The following STAG2 variants were observed in gnomAD, a reference collection of about 807,000 sequenced individuals.
The protein encoded by STAG2 is STAG2 cohesin complex component.
In STAG2, 14 loss-of-function variants were observed where a neutral mutation model predicts 108.1. That is an observed-to-expected ratio of 0.13 (90% CI 0.09 to 0.20). The LOEUF (loss-of-function observed/expected upper bound fraction) is 0.20, where lower values mean the gene tolerates loss of function less well. STAG2 is among the 10% of genes least tolerant of loss of function. The probability of loss-of-function intolerance (pLI) is 1.00; values close to 1 mark genes in which losing one functional copy is unlikely to be tolerated. For synonymous variants in STAG2, 307 were observed against 302.7 expected (o/e 1.01, Z -0.15); for missense variants, 440 against 940.9 (o/e 0.47, Z 6.96).
chrX:124,009,443 GTAGA>G lies in STAG2; in HGVS notation c.-162-11893_-162-11890del, dbSNP rs1160208021. 1.2e-3 allele frequency among the ~76,000 whole-genome samples: 74 copies of G among 63,591 alleles called. No homozygotes were observed. In the South Asian group the frequency reaches 0.021, roughly 18 times the overall value. 55.2% of individuals were successfully genotyped at this position (63,591 alleles called of 115,157 possible). On this transcript the variant is annotated intron_variant, in intron 1 of 34. Transcript: ENST00000371145. ...GGTAGGTAGGTAGGTAGGTAGGTAGGTAGATAGATAGATAGATAGATAGATAGAT... is the reference window on the plus strand; with the variant it reads ...GGTAGGTAGGTAGGTAGGTAGGTAGGTAGATAGATAGATAGATAGATAGAT...
chrX:124,094,743 G>A (rs1227855683), intron 33 of STAG2, among the ~76,000 whole-genome samples: 1 of 111,749 alleles, frequency 8.9e-6, no homozygotes, highest in Non-Finnish European at 1.9e-5. Context: ...CTCCAAAGAG[G>A]CAAAACTAGC....
chrX:124,091,101 G>T, intron 32 of STAG2, 137 bp downstream of exon 32: 1 of 498,172 alleles, frequency 2.0e-6, no homozygotes. Context: ...ACTAAAAATT[G>T]GTCTTTCCAA....
At chrX:124,026,192 G>A (rs1001564715) in intron 4 of STAG2, among the ~76,000 whole-genome samples, 7 of 107,463 alleles carry the variant, frequency 6.5e-5, no homozygotes, top group East Asian at 5.7e-4. Context: ...AGTTTATTTC[G>A]TAAAGCACAG....
At chrX:124,043,860 C>T (rs1383726665) in intron 7 of STAG2, among the ~76,000 whole-genome samples, 1 of 111,412 alleles carries the variant, frequency 9.0e-6, no homozygotes, top group Non-Finnish European at 1.9e-5. Context: ...TAAATACATA[C>T]ATAGATTTAC....
Position 123,973,573 on chromosome X carries a change from G to A in STAG2, c.-163+11717G>A, listed in dbSNP as rs1208644706. ...AAAAAAAAAAAAATAGACTGGGCGC[G>A]GTGGCTCACACCTGTAATCCCAGCA... On this transcript the variant is annotated intron_variant, in intron 1 of 34. Transcript: ENST00000371145. Among the ~76,000 whole-genome samples, 4 of 101,410 alleles carry A rather than the reference G, an allele frequency of 3.9e-5. No homozygotes were observed. The East Asian group carries it at 9.5e-4, about 24-fold the overall frequency. The allele number at this position is 101,410 out of a possible 115,157, so 88.1% of individuals were successfully genotyped here. A position where few individuals can be genotyped will look rare whatever the true frequency, so the allele number is the denominator to read the frequency against.
At chrX:124,031,196 T>C in intron 5 of STAG2, 71 bp downstream of exon 5, 1 of 1,010,427 alleles carries the variant, frequency 9.9e-7, no homozygotes, top group Non-Finnish European at 1.3e-6. Flanking sequence ...AGAGTGTAGC[T>C]CTGATTTTTC....
At chrX:124,097,780 C>T (rs775375945) in intron 34 of STAG2, 3 of 270,749 alleles carry the variant, frequency 1.1e-5, no homozygotes, top group Non-Finnish European at 1.5e-5. Context: ...AGCAAGTGTC[C>T]GAGTAGTAAT....
intron 1 of STAG2, among the ~76,000 whole-genome samples, chrX:124,002,752 G>A (rs2056101432): frequency 9.1e-6 from 1 of 109,725 alleles, no homozygotes; most frequent in Non-Finnish European, 1.9e-5. Flanking sequence ...AGCCTCCTGA[G>A]TAGCTGGGAT....
In STAG2 at chrX:124,061,017, T is replaced by C. The variant is rs59630312; in HGVS notation, c.1417-207T>C. Among the ~76,000 whole-genome samples, 11,656 of 109,573 alleles carry C rather than the reference T, an allele frequency of 0.11. 652 individuals are homozygous for C. Among genetic ancestry groups the C allele is most frequent in the East Asian group, 0.39 (1,358 of 3,500 alleles). ...TTTCATATTAATGTTTTAATGATAA[T>C]TGTTAATGTGTAATGATGCTACCTA... On this transcript the variant is annotated intron_variant, in intron 15 of 34. Transcript: ENST00000371145.
intron 6 of STAG2, among the ~76,000 whole-genome samples, chrX:124,038,451 G>A (rs2057588703): frequency 9.1e-6 from 1 of 109,919 alleles, no homozygotes; most frequent in Non-Finnish European, 1.9e-5. Flanking sequence ...CAACATTAGA[G>A]CATTAGAAAT....
chrX:124,013,324 A>AC (rs2056588284), intron 1 of STAG2, among the ~76,000 whole-genome samples: 6 of 103,660 alleles, frequency 5.8e-5, no homozygotes, highest in African/African-American at 2.1e-4. Flanking sequence ...CACACACACA[A>AC]ACACACACAC....
chrX:124,079,169 C>G (rs1477867973), intron 27 of STAG2, among the ~76,000 whole-genome samples: 1 of 104,337 alleles, frequency 9.6e-6, no homozygotes, highest in Non-Finnish European at 2.0e-5. Context: ...GACGGAGTCT[C>G]GCCCTGTCGC....
At chrX:124,074,060 C>T (rs1471193655) in intron 25 of STAG2, among the ~76,000 whole-genome samples, 1 of 112,042 alleles carries the variant, frequency 8.9e-6, no homozygotes, top group Non-Finnish European at 1.9e-5. Flanking sequence ...TTAGGTTGAA[C>T]ATTTTGCAAT....
In STAG2 at chrX:124,028,822, A is replaced by ATATATATATT. The variant is rs1296806013; in HGVS notation, c.124-2138_124-2137insATATATATTT. Among the ~76,000 whole-genome samples, 294 of 38,796 alleles carry ATATATATATT rather than the reference A, an allele frequency of 7.6e-3. 1 individual carries two copies. Among genetic ancestry groups the ATATATATATT allele is most frequent in the African/African-American group, 0.032 (280 of 8,827 alleles). The allele number at this position is 38,796 out of a possible 115,157, so 33.7% of individuals were successfully genotyped here. On this transcript the variant is annotated intron_variant, in intron 4 of 34. Transcript: ENST00000371145. Reference sequence around the variant, plus strand: ...TATATATATATATATATATATATATATTTTTTTTTTTATAGAGATGGGGTC... The same window carrying ATATATATATT: ...TATATATATATATATATATATATATATATATATATTTTTTTTTTTTTATAGAGATGGGGTC...
At chrX:123,968,873 A>G (rs973400141) in intron 1 of STAG2, among the ~76,000 whole-genome samples, 2 of 111,581 alleles carry the variant, frequency 1.8e-5, no homozygotes, top group African/African-American at 3.3e-5. Flanking sequence ...ATCATTTTAC[A>G]CGTGGGGAAA....
intron 25 of STAG2, among the ~76,000 whole-genome samples, chrX:124,072,778 G>T (rs2058697754): frequency 9.1e-6 from 1 of 109,694 alleles, no homozygotes; most frequent in African/African-American, 3.3e-5. Flanking sequence ...TTGGCTCACT[G>T]CAACCTCTGC....
intron 10 of STAG2, among the ~76,000 whole-genome samples, chrX:124,049,647 T>C (rs1164302139): frequency 8.9e-6 from 1 of 112,266 alleles, no homozygotes; most frequent in Non-Finnish European, 1.9e-5. Context: ...TCACTTCTAT[T>C]GTCACCATTA....
At chrX:124,011,428 G>A (rs1308621110) in intron 1 of STAG2, among the ~76,000 whole-genome samples, 2 of 111,269 alleles carry the variant, frequency 1.8e-5, no homozygotes, top group Admixed American at 9.6e-5. Flanking sequence ...GAATAGACAC[G>A]TAGTGGGAGT....
At chrX:123,988,111 A>G (rs773017077) in intron 1 of STAG2, among the ~76,000 whole-genome samples, 8 of 111,867 alleles carry the variant, frequency 7.2e-5, no homozygotes, top group Non-Finnish European at 1.5e-4. Flanking sequence ...ATAAAGAGGG[A>G]GAAAACCAAG....
Sources: allele counts gnomAD v4.1 joint callset (sites outside exome capture counted in the v4.1 genomes callset), GRCh38; gene constraint gnomAD v4.1.1; transcripts MANE v1.5; gene names NCBI Gene and HGNC (gene_info 2026-07-23, HGNC 2026-07-21).